The following LRRC4C variants were observed in gnomAD, a reference collection of about 807,000 sequenced individuals.
The protein encoded by LRRC4C is leucine rich repeat containing 4C, also known as leucine-rich repeat-containing protein 4C.
LRRC4C carries 5 observed loss-of-function variants against 33.6 expected under a neutral mutation model. The ratio of observed to expected loss-of-function variants is 0.15; its 90% CI spans 0.08 to 0.31. LRRC4C has a LOEUF of 0.31. Among genes scored for constraint, LRRC4C ranks in the 10% least tolerant of loss-of-function variants. LRRC4C has a pLI of 1.00. For missense variants in LRRC4C, 560 were observed against 796.7 expected (o/e 0.70, Z 3.58); for synonymous variants, 329 against 302.0 (o/e 1.09, Z -0.93).
chr11:40,417,314 G>C (rs1950358867), intron 3 of LRRC4C, among the ~76,000 whole-genome samples: 2 of 129,312 alleles, frequency 1.5e-5, no homozygotes, highest in Admixed American at 1.6e-4. Context: ...AAATATGAGA[G>C]ACATGATTTT....
chr11:40,114,383 T>C lies in LRRC4C; in HGVS notation c.1910A>G (p.Glu637Gly). Residue 637 changes from glutamate to glycine, a missense_variant, in exon 7 of 7, where the codon GAG becomes GGG. Glu to Gly is a moderately conservative substitution (Grantham distance 98). Coordinates refer to ENST00000528697, the MANE Select transcript of LRRC4C (RefSeq NM_001258419.2). ...TCTGTAAATGTTTTAGATTTGAGTC[T>C]CTTGTACATTGTCTTTAGAGTTCAT... ...IRMNSKDNVQ[E>G]TQI 6.2e-7 allele frequency: 1 copy of C among 1,610,028 alleles called. No individual in the cohort carries two copies. The highest frequency in any genetic ancestry group is 1.7e-4 in the Middle Eastern group (1 of 6,024).
intron 1 of LRRC4C, among the ~76,000 whole-genome samples, chr11:41,085,346 A>C (rs541622270): frequency 6.6e-6 from 1 of 152,300 alleles, no homozygotes; most frequent in Non-Finnish European, 1.5e-5. Context: ...TTCAAAAAAA[A>C]AATATAATGA....
intron 3 of LRRC4C, chr11:40,351,762 C>CTT (rs3041072): frequency 0.45 from 68,731 of 151,706 alleles, 16,590 homozygotes; most frequent in East Asian, 0.8. Flanking sequence ...GATTTGACCT[C>CTT]TGTCACTATA....
intron 2 of LRRC4C, among the ~76,000 whole-genome samples, chr11:40,838,939 G>T (rs566646852): frequency 3.3e-5 from 5 of 151,964 alleles, no homozygotes; most frequent in South Asian, 2.1e-4. Context: ...TAACATTCTA[G>T]GGAGGATTTA....
At chr11:40,566,086 G>GTTTTTTTTTTTTTTTTTTTTTTTTT in intron 3 of LRRC4C, among the ~76,000 whole-genome samples, 16 of 62,762 alleles carry the variant, frequency 2.5e-4, no homozygotes, top group Middle Eastern at 0.017. Flanking sequence ...TTTTTACTAA[G>GTTTTTTTTTTTTTTTTTTTTTTTTT]TTTTTTTTTT....
intron 1 of LRRC4C, among the ~76,000 whole-genome samples, chr11:41,003,138 T>A (rs1057513496): frequency 6.6e-6 from 1 of 152,202 alleles, no homozygotes; most frequent in Non-Finnish European, 1.5e-5. Flanking sequence ...ACATGAGAAC[T>A]GTAAACTAAA....
chr11:40,926,224 T>C (rs1163757055), intron 2 of LRRC4C, among the ~76,000 whole-genome samples: 1 of 152,172 alleles, frequency 6.6e-6, no homozygotes, highest in Non-Finnish European at 1.5e-5. Flanking sequence ...CAATGCCTAC[T>C]AGGGAGGCTG....
At chr11:41,421,252 T>C (rs1435545541) in intron 1 of LRRC4C, among the ~76,000 whole-genome samples, 1 of 152,004 alleles carries the variant, frequency 6.6e-6, no homozygotes, top group African/African-American at 2.4e-5. Flanking sequence ...ATCCCAACCA[T>C]AGGCTTTATG....
In LRRC4C at chr11:40,554,878, C is replaced by G. The variant is rs1046630815; in HGVS notation, c.-270+93264G>C. Reference sequence around the variant, plus strand: ...CTGGGACTACAGACGCCCGCTACCACGCCCGGCTAATTTTTTGTATTTTTA... The same window carrying G: ...CTGGGACTACAGACGCCCGCTACCAGGCCCGGCTAATTTTTTGTATTTTTA... On this transcript the variant is annotated intron_variant, in intron 3 of 6. Coordinates refer to ENST00000528697, the MANE Select transcript of LRRC4C (RefSeq NM_001258419.2). Among the ~76,000 whole-genome samples, 42 of 149,622 alleles carry G rather than the reference C, an allele frequency of 2.8e-4. 3 individuals carry two copies. The highest frequency in any genetic ancestry group is 1.0e-3 in the African/African-American group (40 of 39,478).
chr11:41,143,378 T>A (rs1254600570), intron 1 of LRRC4C, among the ~76,000 whole-genome samples: 1 of 152,150 alleles, frequency 6.6e-6, no homozygotes, highest in Admixed American at 6.6e-5. Flanking sequence ...TGACTTTAAA[T>A]CATTTTGGGA....
chr11:40,557,908 T>C (rs1406015378), intron 3 of LRRC4C, among the ~76,000 whole-genome samples: 1 of 152,150 alleles, frequency 6.6e-6, no homozygotes, highest in Non-Finnish European at 1.5e-5. Context: ...AGGAGATTAA[T>C]GAGCCGGGAG....
At chr11:41,342,339 T>C (rs1398266645) in intron 1 of LRRC4C, among the ~76,000 whole-genome samples, 2 of 152,152 alleles carry the variant, frequency 1.3e-5, no homozygotes, top group African/African-American at 4.8e-5. Context: ...ATTTTAGTTT[T>C]GGTTTTCTGC....
intron 3 of LRRC4C, among the ~76,000 whole-genome samples, chr11:40,375,383 T>A (rs1590507160): frequency 6.6e-6 from 1 of 152,132 alleles, no homozygotes; most frequent in African/African-American, 2.4e-5. Flanking sequence ...TGGAGAGGAA[T>A]GATGACAAAG....
chr11:41,050,027 T>C (rs1472358204), intron 1 of LRRC4C, among the ~76,000 whole-genome samples: 1 of 152,138 alleles, frequency 6.6e-6, no homozygotes, highest in African/African-American at 2.4e-5. Context: ...TGGGGGTAAA[T>C]AGTATGATAT....
At chr11:40,428,503 G>A (rs931781474) in intron 3 of LRRC4C, among the ~76,000 whole-genome samples, 1 of 152,188 alleles carries the variant, frequency 6.6e-6, no homozygotes, top group African/African-American at 2.4e-5. Flanking sequence ...CTAGCTGGAA[G>A]TCAAGTACTT....
chr11:40,132,724 A>G (rs1018579684), intron 6 of LRRC4C, among the ~76,000 whole-genome samples: 6 of 152,184 alleles, frequency 3.9e-5, no homozygotes, highest in Admixed American at 6.5e-5. Context: ...TAAAACAAAC[A>G]TAACCAAAAC....
intron 2 of LRRC4C, among the ~76,000 whole-genome samples, chr11:40,727,999 T>C (rs1288347617): frequency 6.6e-6 from 1 of 151,884 alleles, no homozygotes; most frequent in Non-Finnish European, 1.5e-5. Context: ...GCCAAGATTG[T>C]GCCACTGCTC....
At chr11:40,691,120 G>A (rs1003289091) in intron 2 of LRRC4C, among the ~76,000 whole-genome samples, 2 of 151,992 alleles carry the variant, frequency 1.3e-5, no homozygotes, top group African/African-American at 2.4e-5. Context: ...ATTTTGAAAC[G>A]CTAACAAGTA....
intron 1 of LRRC4C, among the ~76,000 whole-genome samples, chr11:41,186,572 G>T (rs905014108): frequency 6.6e-6 from 1 of 152,172 alleles, no homozygotes; most frequent in Non-Finnish European, 1.5e-5. Context: ...TGATTTCACT[G>T]TGATAAAGAA....
Sources: allele counts gnomAD v4.1 joint callset (sites outside exome capture counted in the v4.1 genomes callset), GRCh38; gene constraint gnomAD v4.1.1; transcripts MANE v1.5; gene names NCBI Gene and HGNC (gene_info 2026-07-23, HGNC 2026-07-21).